GFPT1: variants seen among roughly 807,000 people sequenced by gnomAD.
GFPT1 encodes glutamine--fructose-6-phosphate transaminase 1.
Under a neutral mutation model 92.0 loss-of-function variants are expected in GFPT1, and 40 were observed. That is an observed-to-expected ratio of 0.43 (90% CI 0.34 to 0.57). The LOEUF (loss-of-function observed/expected upper bound fraction) is 0.57, where lower values mean the gene tolerates loss of function less well. GFPT1 is among the 20% of genes least tolerant of loss of function. The probability of loss-of-function intolerance (pLI) is 0.02; values close to 1 mark genes in which losing one functional copy is unlikely to be tolerated. For synonymous variants in GFPT1, 269 were observed against 280.6 expected (o/e 0.96, Z 0.41); for missense variants, 448 against 869.1 (o/e 0.52, Z 6.09).
chr2:69,338,300 G>A, intron 14 of GFPT1, 145 bp downstream of exon 14: 1 of 794,600 alleles, frequency 1.3e-6, no homozygotes, highest in South Asian at 1.6e-5. Flanking sequence ...AATTCATAAA[G>A]AATTATGTAA....
intron 1 of GFPT1, among the ~76,000 whole-genome samples, chr2:69,385,539 TATTTA>T (rs767995181): frequency 0.17 from 17,714 of 106,196 alleles, 1,160 homozygotes; most frequent in African/African-American, 0.19. Context: ...TTTATTTATT[TATTTA>T]TTTTTTTTTC....
At chr2:69,357,427 AG>A (rs1671364907) in intron 6 of GFPT1, among the ~76,000 whole-genome samples, 1 of 152,214 alleles carries the variant, frequency 6.6e-6, no homozygotes. Context: ...ATGAAGTAGG[AG>A]AGGGAAGAAC....
intron 19 of GFPT1, 25 bp from the exon 20 acceptor site, chr2:69,326,258 C>T: frequency 6.9e-7 from 1 of 1,448,242 alleles, no homozygotes. Context: ...AAAAAAAAAG[C>T]AAGATTTGAG....
intron 1 of GFPT1, among the ~76,000 whole-genome samples, chr2:69,380,066 C>T (rs1671970956): frequency 6.6e-6 from 1 of 151,694 alleles, no homozygotes; most frequent in Admixed American, 6.6e-5. Context: ...GGCCAGATGC[C>T]GTGGCTCACG....
At chr2:69,356,369 T>C (rs1671337840) in intron 7 of GFPT1, 127 bp downstream of exon 7, 6 of 763,780 alleles carry the variant, frequency 7.9e-6, no homozygotes, top group Non-Finnish European at 1.2e-5. Context: ...TGTGAAAATA[T>C]GCTCACATGA....
rs758619386 is a variant in GFPT1, at chr2:69,345,885, A to C, written c.1105+19T>G. ...CTGTCAGAGACACTGAAATAATAAA[A>C]TAATTCATATGTAATTACCAGTATA... On this transcript the variant is annotated intron_variant, in intron 12 of 19. Coordinates refer to ENST00000357308, the MANE Select transcript of GFPT1 (RefSeq NM_001244710.2). 1.6e-6 allele frequency: 2 copies of C among 1,281,260 alleles called. No individual in the cohort carries two copies. The allele number at this position is 1,281,260 out of a possible 1,614,324, so 79.4% of individuals were successfully genotyped here. A position where few individuals can be genotyped will look rare whatever the true frequency, so the allele number is the denominator to read the frequency against.
Position 69,326,177 on chromosome 2 carries a change from T to C in GFPT1, c.*12A>G. On this transcript the variant is annotated 3_prime_UTR_variant, in exon 20 of 20. Coordinates refer to ENST00000357308, the MANE Select transcript of GFPT1 (RefSeq NM_001244710.2). Reference sequence around the variant, plus strand: ...TAATCATACAGTTTCGTACATTTTGTATAGATATTCCTCACTCTACAGTCA... The same window carrying C: ...TAATCATACAGTTTCGTACATTTTGCATAGATATTCCTCACTCTACAGTCA... 1 of 1,549,312 alleles carries C rather than the reference T, an allele frequency of 6.5e-7. No individual in the cohort carries two copies. Among genetic ancestry groups the C allele is most frequent in the Non-Finnish European group, 8.9e-7 (1 of 1,122,504 alleles).
chr2:69,378,675 C>T (rs1490666779), intron 1 of GFPT1, among the ~76,000 whole-genome samples: 1 of 152,152 alleles, frequency 6.6e-6, no homozygotes, highest in Non-Finnish European at 1.5e-5. Flanking sequence ...GACTGTTAAA[C>T]CTTACTGAAA....
In GFPT1 at chr2:69,322,456, T is replaced by C. The variant is rs917212710; in HGVS notation, c.*3733A>G. Reference sequence around the variant, plus strand: ...TGTTAAAGCAAACATTTCAGTTGGTTTCCTTTCTTTGAAGAATAATAGAAA... The same window carrying C: ...TGTTAAAGCAAACATTTCAGTTGGTCTCCTTTCTTTGAAGAATAATAGAAA... On this transcript the variant is annotated 3_prime_UTR_variant, in exon 20 of 20. Transcript: ENST00000357308. 1.3e-5 allele frequency: 2 copies of C among 152,112 alleles called. No homozygotes were observed. The highest frequency in any genetic ancestry group is 1.3e-4 in the Admixed American group (2 of 15,280). 9.4% of individuals were successfully genotyped at this position (152,112 alleles called of 1,614,324 possible).
At chr2:69,358,563 T>C (rs1478067173) in intron 5 of GFPT1, 100 bp from the exon 6 acceptor site, 9 of 831,608 alleles carry the variant, frequency 1.1e-5, no homozygotes, top group Admixed American at 4.2e-5. Flanking sequence ...TAATTTCTAA[T>C]ATTCTTTGAA....
rs144566433 is a variant in GFPT1 at position 69,356,552 on chromosome 2, A to G, written c.549T>C (p.Gly183=). Residue 183 remains glycine (G), a synonymous_variant, in exon 7 of 20, where the codon GGT becomes GGC. Transcript: ENST00000357308. ...LVERVIQQLE[G]AFALVFKSVH... ...CACTTTTAAACACAAGTGCAAAAGC[A>G]CCTTCCTAGGGAGGGAAAAAAATCC... The G allele has an allele frequency of 4.3e-4, 694 of 1,612,300 alleles. 4 individuals are homozygous for G. The African/African-American group carries it at 8.0e-3, about 19-fold the overall frequency.
At chr2:69,359,037 T>C (rs1671407352) in intron 5 of GFPT1, among the ~76,000 whole-genome samples, 1 of 152,256 alleles carries the variant, frequency 6.6e-6, no homozygotes, top group Non-Finnish European at 1.5e-5. Context: ...TTTGAGCCTT[T>C]TGTCATGTAT....
intron 2 of GFPT1, among the ~76,000 whole-genome samples, chr2:69,370,334 C>T (rs1284052955): frequency 2.6e-5 from 4 of 151,978 alleles, no homozygotes; most frequent in Non-Finnish European, 4.4e-5. Flanking sequence ...CTAAGTCTAT[C>T]GAGAAGACAG....
intron 6 of GFPT1, among the ~76,000 whole-genome samples, chr2:69,358,070 T>A (rs967468019): frequency 6.6e-6 from 1 of 152,186 alleles, no homozygotes; most frequent in Non-Finnish European, 1.5e-5. Context: ...ATATGCATAG[T>A]TTTTAGACAC....
rs770890039 is a variant in GFPT1 at position 69,369,674 on chromosome 2, T to C, written c.223+327A>G. On this transcript the variant is annotated intron_variant, in intron 3 of 19. Transcript: ENST00000357308. ...GAAGACATGTGTAAAAGGGCATCAC[T>C]AAAAATACCTTTTGTCTTATGAAAA... Among the ~76,000 whole-genome samples the C allele has an allele frequency of 1.3e-4, 20 of 152,330 alleles. No homozygotes were observed. The East Asian group carries it at 2.3e-3, about 18-fold the overall frequency.
intron 2 of GFPT1, among the ~76,000 whole-genome samples, chr2:69,372,214 A>AAAAAG (rs1158031760): frequency 3.3e-5 from 5 of 151,526 alleles, no homozygotes; most frequent in African/African-American, 1.2e-4. Context: ...AAAAAAAAAA[A>AAAAAG]AAAAGAAGAT....
intron 2 of GFPT1, among the ~76,000 whole-genome samples, chr2:69,370,573 C>T (rs968173052): frequency 3.3e-5 from 5 of 152,064 alleles, no homozygotes; most frequent in Admixed American, 2.0e-4. Flanking sequence ...AGAAGTGATT[C>T]GGCAAAAATG....
intron 7 of GFPT1, among the ~76,000 whole-genome samples, chr2:69,356,190 C>T (rs1433170539): frequency 1.3e-5 from 2 of 151,886 alleles, no homozygotes; most frequent in African/African-American, 4.8e-5. Flanking sequence ...GACGGGGTTT[C>T]GCCATGTTGG....
chr2:69,352,855 G>A (rs562866584), intron 9 of GFPT1, among the ~76,000 whole-genome samples: 25 of 151,868 alleles, frequency 1.6e-4, no homozygotes, highest in South Asian at 1.2e-3. Flanking sequence ...AGATTAGCCC[G>A]GCCAAAATGG....
Sources: gnomAD v4.1 joint callset for allele counts (sites outside exome capture counted in the v4.1 genomes callset) on GRCh38, gnomAD v4.1.1 for gene constraint, MANE v1.5 for transcripts, NCBI Gene and HGNC (gene_info 2026-07-23, HGNC 2026-07-21) for gene names.